Variants in PPP2R5D observed in about 807,000 individuals in gnomAD.
PPP2R5D encodes serine/threonine-protein phosphatase 2A 56 kDa regulatory subunit delta isoform.
PPP2R5D carries 12 observed loss-of-function variants against 79.1 expected under a neutral mutation model. That is an observed-to-expected ratio of 0.15 (90% CI 0.10 to 0.25). The LOEUF (loss-of-function observed/expected upper bound fraction) is 0.25. PPP2R5D is among the 10% of genes least tolerant of loss of function. The pLI, the probability that PPP2R5D is intolerant of heterozygous loss-of-function variation, is 1.00. For missense variants in PPP2R5D, 419 were observed against 760.2 expected (o/e 0.55, Z 5.28); for synonymous variants, 277 against 286.6 (o/e 0.97, Z 0.34).
chr6:42,985,934 CATCCGGCTAATTTTGT>C (rs1381210003), intron 1 of PPP2R5D, among the ~76,000 whole-genome samples: 17 of 152,244 alleles, frequency 1.1e-4, no homozygotes, highest in African/African-American at 3.6e-4. Flanking sequence ...TGCGCCACCA[CATCCGGCTAATTTTGT>C]ATTTTTAGTA....
At chr6:42,990,495 T>C (rs1771178075) in intron 2 of PPP2R5D, among the ~76,000 whole-genome samples, 1 of 152,170 alleles carries the variant, frequency 6.6e-6, no homozygotes, top group Admixed American at 6.5e-5. Flanking sequence ...TGAGCAAATG[T>C]TTGGGGTTAA....
At chr6:42,988,484 G>A (rs1771015720) in intron 1 of PPP2R5D, among the ~76,000 whole-genome samples, 1 of 152,166 alleles carries the variant, frequency 6.6e-6, no homozygotes, top group Non-Finnish European at 1.5e-5. Flanking sequence ...CGTGCCTCTG[G>A]TCCATATGGA....
chr6:43,006,724 G>A lies in PPP2R5D; in HGVS notation c.322+45G>A. 1 of 1,597,802 alleles carries A rather than the reference G, an allele frequency of 6.3e-7. No homozygotes were observed. The highest frequency in any genetic ancestry group is 8.5e-7 in the Non-Finnish European group (1 of 1,169,790). On this transcript the variant is annotated intron_variant, in intron 3 of 15. Coordinates refer to ENST00000485511, the MANE Select transcript of PPP2R5D (RefSeq NM_006245.4). The surrounding 1 kb of genome is among the most constrained non-coding windows in gnomAD (Gnocchi z 4.7). ...AGGGGCTGTTTTACCAGTTCTAGTG[G>A]GCATCGGGAGTTGGTGGAATGGAAG...
chr6:42,984,677 G>A lies in PPP2R5D; in HGVS notation c.-1G>A, dbSNP rs1581787612. The stretch of plus-strand genomic sequence containing the variant: ...GACGGGCCGGGTCCGGACGGGCCGA[G>A]ATGCCCTATAAACTGAAAAAGGAGA... On this transcript the variant is annotated 5_prime_UTR_variant, in exon 1 of 16. Coordinates refer to ENST00000485511, the MANE Select transcript of PPP2R5D (RefSeq NM_006245.4). The A allele has an allele frequency of 3.7e-6, 6 of 1,609,814 alleles. No individual in the cohort carries two copies. In the African/African-American group the frequency reaches 4.0e-5, roughly 11 times the overall value.
In PPP2R5D at chr6:43,009,258, C is replaced by A; in HGVS notation, c.1251+31C>A. 6.2e-7 allele frequency: 1 copy of A among 1,614,078 alleles called. No homozygotes were observed. Reference sequence around the variant, plus strand: ...ACTCCAACCTAGCATATCCTAGCCCCTGCCAGAAACTGAGGTCTTGAGTGA... The same window carrying A: ...ACTCCAACCTAGCATATCCTAGCCCATGCCAGAAACTGAGGTCTTGAGTGA... On this transcript the variant is annotated intron_variant, in intron 11 of 15. Transcript: ENST00000485511. This position sits in a 1 kb window ranked among gnomAD's most constrained non-coding sequence, Gnocchi z 5.6.
Position 43,008,093 on chromosome 6 carries a change from C to G in PPP2R5D, c.857+28C>G, listed in dbSNP as rs1762183888. The G allele has an allele frequency of 2.5e-6, 4 of 1,613,880 alleles. No homozygotes were observed. ...GAGGCCAGGAGCCCAGGCTTAGGAG[C>G]AAAACCTTCTGCTACTGAGGTGGGG... On this transcript the variant is annotated intron_variant, in intron 7 of 15. Transcript: ENST00000485511. The surrounding 1 kb of genome is among the most constrained non-coding windows in gnomAD (Gnocchi z 4.2).
intron 1 of PPP2R5D, 90 bp from the exon 2 acceptor site, chr6:42,989,521 G>T: frequency 9.2e-7 from 1 of 1,086,058 alleles, no homozygotes. Context: ...ACTGGACAGA[G>T]GATATTTGCA....
At chr6:42,996,638 C>T (rs911025955) in intron 2 of PPP2R5D, among the ~76,000 whole-genome samples, 1 of 152,196 alleles carries the variant, frequency 6.6e-6, no homozygotes, top group Non-Finnish European at 1.5e-5. Flanking sequence ...GTCTGTCCTG[C>T]CTAGTGGACT....
intron 1 of PPP2R5D, among the ~76,000 whole-genome samples, chr6:42,985,155 A>G (rs1042574862): frequency 2.6e-5 from 4 of 151,154 alleles, no homozygotes; most frequent in Non-Finnish European, 4.4e-5. Flanking sequence ...CCCGCCTGGG[A>G]CAGCCGCCCC....
At position 42,989,652 on chromosome 6, in the gene PPP2R5D, C is replaced by T. The variant is rs1422815936; in HGVS notation, c.69C>T (p.Ser23=). The change falls in exon 2 of 16, where the codon AGC becomes AGT. Residue 23 remains serine (S), a synonymous_variant. Coordinates refer to ENST00000485511, the MANE Select transcript of PPP2R5D (RefSeq NM_006245.4). ...KVAKCTAKPS[S]SGKDGGGENT... is the part of the protein sequence containing the mutation. ...CCAAATGCACAGCCAAGCCTAGCAG[C>T]TCGGGCAAGGATGGTGGAGGCGAGA... The T allele has an allele frequency of 1.9e-6, 3 of 1,613,936 alleles. No homozygotes were observed. In the Admixed American group the frequency reaches 5.0e-5, roughly 27 times the overall value.
At chr6:42,986,857 A>G (rs1213928751) in intron 1 of PPP2R5D, among the ~76,000 whole-genome samples, 1 of 151,190 alleles carries the variant, frequency 6.6e-6, no homozygotes, top group Non-Finnish European at 1.5e-5. Flanking sequence ...AGGGTGTTGG[A>G]AGTAACGGGG....
rs762758928 is a variant in PPP2R5D at position 43,007,153 on chromosome 6, C to T, written c.522+43C>T. 7 of 1,613,872 alleles carry T rather than the reference C, an allele frequency of 4.3e-6. No homozygotes were observed. The East Asian group carries it at 1.1e-4, about 26-fold the overall frequency. ...ACACAGGGGGGACTGGTGAGGGGCT[C>T]TGGAGAAGCCCAGGTGGAGCTCTAA... On this transcript the variant is annotated intron_variant, in intron 4 of 15. Coordinates refer to ENST00000485511, the MANE Select transcript of PPP2R5D (RefSeq NM_006245.4). This position sits in a 1 kb window ranked among gnomAD's most constrained non-coding sequence, Gnocchi z 4.5.
In PPP2R5D at chr6:43,007,831, T is replaced by C; in HGVS notation, c.727-104T>C. The C allele has an allele frequency of 6.9e-7, 1 of 1,453,462 alleles. No homozygotes were observed. Among genetic ancestry groups the C allele is most frequent in the South Asian group, 1.2e-5 (1 of 84,230 alleles). The allele number at this position is 1,453,462 out of a possible 1,614,324, so 90.0% of individuals were successfully genotyped here. A position where few individuals can be genotyped will look rare whatever the true frequency, so the allele number is the denominator to read the frequency against. ...CTTTCTAAGACTTGCTGGCCCCCAC[T>C]CCAGGGGACCTCTGCATTTCCCCTG... is the stretch of plus-strand genomic sequence containing the variant. On this transcript the variant is annotated intron_variant, in intron 6 of 15. Transcript: ENST00000485511. The surrounding 1 kb of genome is among the most constrained non-coding windows in gnomAD (Gnocchi z 4.5).
intron 2 of PPP2R5D, among the ~76,000 whole-genome samples, chr6:42,996,598 C>A (rs1216304707): frequency 6.6e-6 from 1 of 152,236 alleles, no homozygotes; most frequent in Non-Finnish European, 1.5e-5. Flanking sequence ...TCTGTTCTTG[C>A]ATTTTCCTTG....
Position 43,008,481 on chromosome 6 carries a change from C to T in PPP2R5D, c.1026+6C>T. 1 of 1,598,730 alleles carries T rather than the reference C, an allele frequency of 6.3e-7. No individual in the cohort carries two copies. On this transcript the variant is annotated splice_donor_region_variant and intron_variant, in intron 9 of 15. Transcript: ENST00000485511. This position sits in a 1 kb window ranked among gnomAD's most constrained non-coding sequence, Gnocchi z 4.2. ...TGAGTGTCTACCACCCTCAGGTGAG[C>T]TGCCTTCCTCCTTATAATGTCCAAC...
chr6:43,004,569 CTTTT>C (rs56194066), intron 2 of PPP2R5D, among the ~76,000 whole-genome samples: 3 of 125,104 alleles, frequency 2.4e-5, no homozygotes, highest in South Asian at 2.5e-4. Context: ...TCTTTTCCTA[CTTTT>C]TTTTTTTTTT....
rs893502733 is a variant in PPP2R5D, at chr6:43,008,973, G to C, written c.1081-84G>C. 12 of 1,493,672 alleles carry C rather than the reference G, an allele frequency of 8.0e-6. No homozygotes were observed. The highest frequency in any genetic ancestry group is 4.1e-5 in the African/African-American group (3 of 72,306). The allele number at this position is 1,493,672 out of a possible 1,614,324, so 92.5% of individuals were successfully genotyped here. A position where few individuals can be genotyped will look rare whatever the true frequency, so the allele number is the denominator to read the frequency against. On this transcript the variant is annotated intron_variant, in intron 10 of 15. Transcript: ENST00000485511. This position sits in a 1 kb window ranked among gnomAD's most constrained non-coding sequence, Gnocchi z 4.2. ...TCACCCAAACTGTGCCCACCAGGGTGGGGGAGAGAGCAGGTAGGAAAACTT... is the reference window on the plus strand; with the variant it reads ...TCACCCAAACTGTGCCCACCAGGGTCGGGGAGAGAGCAGGTAGGAAAACTT...
At chr6:42,989,897 C>A (rs960457682) in intron 2 of PPP2R5D, among the ~76,000 whole-genome samples, 2 of 152,170 alleles carry the variant, frequency 1.3e-5, no homozygotes, top group Non-Finnish European at 2.9e-5. Flanking sequence ...CTTCAGACTC[C>A]CCAGAGATTC....
Position 43,008,220 on chromosome 6 carries a change from C to T in PPP2R5D, c.877C>T (p.His293Tyr). The change falls in exon 8 of 16, where the codon CAT becomes TAT. Residue 293 changes from histidine to tyrosine, a missense_variant. By Grantham distance (83) the His-to-Tyr change is moderately conservative (BLOSUM62 2). Coordinates refer to ENST00000485511, the MANE Select transcript of PPP2R5D (RefSeq NM_006245.4). This position sits in a 1 kb window ranked among gnomAD's most constrained non-coding sequence, Gnocchi z 4.2. ...CCTCAGGTTCATCTACGAGACGGAG[C>T]ATCACAACGGGATTGCTGAGCTCCT... ...IFYRFIYETE[H>Y]HNGIAELLEI... 2 of 1,614,152 alleles carry T rather than the reference C, an allele frequency of 1.2e-6. No homozygotes were observed. The highest frequency in any genetic ancestry group is 1.7e-6 in the Non-Finnish European group (2 of 1,180,038).
Sources: allele counts gnomAD v4.1 joint callset (sites outside exome capture counted in the v4.1 genomes callset), GRCh38; gene constraint gnomAD v4.1.1; non-coding constraint Gnocchi (gnomAD v3.1); transcripts MANE v1.5; gene names NCBI Gene and HGNC (gene_info 2026-07-23, HGNC 2026-07-21).